The following MAP3K15 variants were observed in gnomAD, a reference collection of about 807,000 sequenced individuals.
MAP3K15 encodes the protein MAPK/ERK kinase kinase 15.
MAP3K15 carries 124 observed loss-of-function variants against 99.5 expected under a neutral mutation model. The observed-to-expected ratio is 1.25, with a 90% CI of 1.08 to 1.45. The LOEUF (loss-of-function observed/expected upper bound fraction) is 1.45, where lower values mean the gene tolerates loss of function less well. MAP3K15 is among the 40% of genes most tolerant of loss of function. The pLI, the probability that MAP3K15 is intolerant of heterozygous loss-of-function variation, is 0.00. For missense variants in MAP3K15, 1,242 were observed against 1,079.7 expected, an observed-to-expected ratio of 1.15 and a Z score of -2.11; for synonymous variants, 494 against 439.6, an observed-to-expected ratio of 1.12 and a Z score of -1.55.
At chrX:19,505,904 G>A (rs558472999) in intron 1 of MAP3K15, among the ~76,000 whole-genome samples, 4 of 108,941 alleles carry the variant, frequency 3.7e-5, no homozygotes, top group African/African-American at 1.0e-4. Flanking sequence ...ACGCCACCAC[G>A]CAAGGCTAAT....
chrX:19,499,439 A>C (rs1315318493), intron 1 of MAP3K15, among the ~76,000 whole-genome samples: 1 of 112,470 alleles, frequency 8.9e-6, no homozygotes, highest in African/African-American at 3.2e-5. Flanking sequence ...TTTACTCAAG[A>C]GGAATAAAAA....
intron 18 of MAP3K15, among the ~76,000 whole-genome samples, chrX:19,390,894 G>T (rs1263020606): frequency 9.9e-5 from 11 of 110,568 alleles, no homozygotes; most frequent in Non-Finnish European, 2.1e-4. Context: ...CTCCTTGGGG[G>T]ACTATAAACC....
intron 1 of MAP3K15, among the ~76,000 whole-genome samples, chrX:19,490,057 G>C (rs2013591259): frequency 9.2e-6 from 1 of 108,124 alleles, no homozygotes; most frequent in Middle Eastern, 4.7e-3. Context: ...ATAAATTTCT[G>C]TTGTTTAGAA....
intron 3 of MAP3K15, among the ~76,000 whole-genome samples, chrX:19,481,322 G>A (rs1172417322): frequency 2.8e-5 from 3 of 107,642 alleles, no homozygotes; most frequent in Non-Finnish European, 5.7e-5. Flanking sequence ...GACAACTAGG[G>A]ATCCAAATGA....
At chrX:19,426,042 A>T (rs1048480915) in intron 8 of MAP3K15, among the ~76,000 whole-genome samples, 189 bp downstream of exon 8, 1 of 111,363 alleles carries the variant, frequency 9.0e-6, no homozygotes, top group African/African-American at 3.3e-5. Flanking sequence ...GAATTGCTTG[A>T]ACTCGGGAGG....
In MAP3K15 at chrX:19,488,844, G is replaced by C. The variant is rs775388215; in HGVS notation, c.485C>G (p.Thr162Ser). 4.2e-6 allele frequency: 5 copies of C among 1,199,463 alleles called. No homozygotes were observed. In the Admixed American group the frequency reaches 1.1e-4, roughly 26 times the overall value. ...ACACTGTACCTTCAAAGAGAGAGCA[G>C]TGTCGGCATCGGTGTCATGGTACAA... is the stretch of plus-strand genomic sequence containing the variant. Reference protein sequence around the residue: ...VILYHDTDADTALSLKDMVTQ... With the variant: ...VILYHDTDADSALSLKDMVTQ... Residue 162 changes from threonine (T) to serine (S), a missense_variant, in exon 2 of 29, where the codon ACT becomes AGT. Thr to Ser is a moderately conservative substitution (Grantham distance 58, BLOSUM62 1). Transcript: ENST00000338883.
At chrX:19,501,349 C>T (rs1004746339) in intron 1 of MAP3K15, among the ~76,000 whole-genome samples, 3 of 111,916 alleles carry the variant, frequency 2.7e-5, no homozygotes, top group East Asian at 2.8e-4. Context: ...GAAAAAGAAC[C>T]GGTATTCCAT....
Position 19,460,045 on chromosome X carries a change from A to C in MAP3K15, c.828T>G (p.Asn276Lys). The stretch of plus-strand genomic sequence containing the variant: ...TGATGTCTGAGGTCAGAACCTCAGT[A>C]TTATCCATGCGGAGCTTGATCCGAG... ...ELARIKLRMD[N>K]TEVLTSDIII... The change falls in exon 5 of 29, where the codon AAT becomes AAG. Residue 276 changes from asparagine (N) to lysine (K), a missense_variant. Asn to Lys is a moderately conservative substitution (Grantham distance 94). Transcript: ENST00000338883. 8.4e-7 allele frequency: 1 copy of C among 1,194,219 alleles called. No homozygotes were observed. The highest frequency in any genetic ancestry group is 1.1e-6 in the Non-Finnish European group (1 of 891,512).
intron 1 of MAP3K15, among the ~76,000 whole-genome samples, chrX:19,506,374 C>T (rs1002792588): frequency 9.0e-6 from 1 of 111,706 alleles, no homozygotes; most frequent in Non-Finnish European, 1.9e-5. Flanking sequence ...CTGGCAACAG[C>T]ACAAATCTTT....
chrX:19,373,245 G>A, intron 21 of MAP3K15: 1 of 264,787 alleles, frequency 3.8e-6, no homozygotes, highest in South Asian at 8.4e-5. Flanking sequence ...GGGAGAGAGA[G>A]GGGGAAGAGG....
chrX:19,455,769 A>G (rs866960667), intron 6 of MAP3K15, among the ~76,000 whole-genome samples: 13 of 110,136 alleles, frequency 1.2e-4, no homozygotes, highest in African/African-American at 3.6e-4. Context: ...GTCTGGGAAA[A>G]AGACTTAGTG....
At chrX:19,413,767 G>C (rs886627856) in intron 10 of MAP3K15, among the ~76,000 whole-genome samples, 6 of 105,920 alleles carry the variant, frequency 5.7e-5, no homozygotes, top group African/African-American at 2.1e-4. Flanking sequence ...GAGGAGGGGA[G>C]GGGAGAGAGG....
In MAP3K15 at chrX:19,361,403, C is replaced by T. The variant is rs144734730; in HGVS notation, c.3793G>A (p.Gly1265Ser). ...TTAAGAATATCCGAAAGTGTATAAC[C>T]CTCTTCAACAATCTGAAACAAAGAT... ...AKTIEKIVEE[G>S]YTLSDILNEI... Residue 1265 changes from glycine (G) to serine (S), a missense_variant, in exon 28 of 29, where the codon GGT becomes AGT. Gly to Ser is a moderately conservative substitution (Grantham distance 56). Transcript: ENST00000338883. 11 of 1,205,979 alleles carry T rather than the reference C, an allele frequency of 9.1e-6. No individual in the cohort carries two copies. The highest frequency in any genetic ancestry group is 8.7e-5 in the Admixed American group (4 of 45,742).
chrX:19,479,073 T>C (rs1294900279), intron 3 of MAP3K15, among the ~76,000 whole-genome samples: 2 of 111,665 alleles, frequency 1.8e-5, no homozygotes, highest in African/African-American at 6.5e-5. Flanking sequence ...TTTCTTAGTC[T>C]TGGGGTATAT....
At chrX:19,470,074 C>G in intron 3 of MAP3K15, among the ~76,000 whole-genome samples, 1 of 111,702 alleles carries the variant, frequency 9.0e-6, no homozygotes, top group East Asian at 2.8e-4. Context: ...GGATTATAAA[C>G]CATGCTGCTA....
chrX:19,370,908 C>G, intron 24 of MAP3K15, 51 bp downstream of exon 24: 5 of 922,574 alleles, frequency 5.4e-6, no homozygotes, highest in Non-Finnish European at 7.8e-6. Flanking sequence ...GAGGATATTT[C>G]TTATCTTTTC....
intron 16 of MAP3K15, among the ~76,000 whole-genome samples, chrX:19,393,513 C>A (rs1350069724): frequency 9.1e-6 from 1 of 110,475 alleles, no homozygotes; most frequent in Non-Finnish European, 1.9e-5. Flanking sequence ...CACTTGTAAT[C>A]CTAGCTACTT....
At chrX:19,391,674 C>CAAAAAAAAAAAAAAAAAAAA (rs759061873) in intron 18 of MAP3K15, among the ~76,000 whole-genome samples, 7 of 28,523 alleles carry the variant, frequency 2.5e-4, no homozygotes, top group African/African-American at 7.5e-4. Context: ...GACCCCGTCT[C>CAAAAAAAAAAAAAAAAAAAA]AAAAAAAAAA....
intron 25 of MAP3K15, among the ~76,000 whole-genome samples, chrX:19,365,124 G>A (rs2063325662): frequency 9.2e-6 from 1 of 108,549 alleles, no homozygotes. Context: ...CAGAAGAATA[G>A]TTCGAACCCA....
Sources: gnomAD v4.1 joint callset for allele counts (sites outside exome capture counted in the v4.1 genomes callset) on GRCh38, gnomAD v4.1.1 for gene constraint, MANE v1.5 for transcripts, NCBI Gene and HGNC (gene_info 2026-07-23, HGNC 2026-07-21) for gene names.